Variants in TNS1 observed in about 807,000 individuals in gnomAD.
The protein encoded by TNS1 is tensin-1.
TNS1 carries 62 observed loss-of-function variants against 168.6 expected under a neutral mutation model. The ratio of observed to expected loss-of-function variants is 0.37; its 90% CI spans 0.30 to 0.45. TNS1 has a LOEUF of 0.45. Ranked by LOEUF, TNS1 falls within the 20% of genes least tolerant of loss-of-function variation. The probability of loss-of-function intolerance (pLI) is 1.00; values close to 1 mark genes in which losing one functional copy is unlikely to be tolerated. For missense variants in TNS1, 2,240 were observed against 2,339.4 expected, an observed-to-expected ratio of 0.96 and a Z score of 0.88; for synonymous variants, 934 against 933.2, an observed-to-expected ratio of 1.00 and a Z score of -0.02.
intron 18 of TNS1, among the ~76,000 whole-genome samples, chr2:217,861,839 C>G (rs1259813959): frequency 3.3e-5 from 5 of 152,094 alleles, no homozygotes; most frequent in African/African-American, 1.2e-4. Context: ...TCTCCCTTCC[C>G]TAGCCCTGTG....
upstream of TNS1, among the ~76,000 whole-genome samples, chr2:218,007,569 G>A (rs956975869): frequency 1.6e-5 from 2 of 122,186 alleles, no homozygotes; most frequent in African/African-American, 5.7e-5. Flanking sequence ...CGGGGGGTGG[G>A]GGGGGGGGTT....
At chr2:218,016,226 T>A (rs1574481944) in intron 1 of TNS1, among the ~76,000 whole-genome samples, 1 of 151,354 alleles carries the variant, frequency 6.6e-6, no homozygotes. Context: ...GGTGGTTGGG[T>A]TGAGAGGCAC....
At chr2:217,987,923 G>A (rs1329933604) in intron 2 of TNS1, among the ~76,000 whole-genome samples, 2 of 152,150 alleles carry the variant, frequency 1.3e-5, no homozygotes, top group Non-Finnish European at 2.9e-5. Context: ...GCCATCATGA[G>A]CTCCTGACTC....
At chr2:217,875,921 A>G (rs1456303480) in intron 18 of TNS1, among the ~76,000 whole-genome samples, 1 of 152,172 alleles carries the variant, frequency 6.6e-6, no homozygotes, top group Non-Finnish European at 1.5e-5. Flanking sequence ...ATGGGCGCCA[A>G]CCAGGAGAGA....
intron 22 of TNS1, among the ~76,000 whole-genome samples, chr2:217,822,778 G>T (rs897452474): frequency 4.6e-5 from 7 of 152,182 alleles, no homozygotes; most frequent in African/African-American, 1.7e-4. Flanking sequence ...TCCCCAGATG[G>T]CCCGACTCCC....
rs766115642 is a variant in TNS1 at position 217,848,434 on chromosome 2, C to G, written c.2083G>C (p.Ala695Pro). The change falls in exon 19 of 33, where the codon GCC becomes CCC. Residue 695 changes from alanine to proline, a missense_variant. Transcript: ENST00000682258. ...PYESASRAGP[A>P]HAGHTAPMRP... ...ATGGGGGCCGTGTGGCCAGCATGGGCAGGCCCCGCCCGGCTGGCAGACTCG... is the reference window on the plus strand; with the variant it reads ...ATGGGGGCCGTGTGGCCAGCATGGGGAGGCCCCGCCCGGCTGGCAGACTCG... 3.7e-6 allele frequency: 6 copies of G among 1,609,338 alleles called. No homozygotes were observed. The Admixed American group carries it at 8.4e-5, about 22-fold the overall frequency.
chr2:217,919,815 C>T (rs937739594), intron 4 of TNS1, among the ~76,000 whole-genome samples: 1 of 152,148 alleles, frequency 6.6e-6, no homozygotes, highest in Non-Finnish European at 1.5e-5. Context: ...CTCTGAGGGT[C>T]ATCCCCCGCC....
intron 18 of TNS1, among the ~76,000 whole-genome samples, chr2:217,851,380 AG>A (rs1947463050): frequency 6.6e-6 from 1 of 151,264 alleles, no homozygotes; most frequent in Non-Finnish European, 1.5e-5. Flanking sequence ...ACCACAGGCC[AG>A]CCATGTTACA....
chr2:217,954,428 T>C (rs1488243484), intron 3 of TNS1, among the ~76,000 whole-genome samples: 1 of 152,186 alleles, frequency 6.6e-6, no homozygotes, highest in Non-Finnish European at 1.5e-5. Context: ...GATGATAAGC[T>C]ATCATCTATG....
chr2:217,905,212 A>G, intron 6 of TNS1: 1 of 269,220 alleles, frequency 3.7e-6, no homozygotes, highest in South Asian at 3.3e-5. Flanking sequence ...TTCCCCCTGC[A>G]CCCCAGTCCC....
Position 217,969,183 on chromosome 2 carries a change from T to C in TNS1, c.186+9582A>G, listed in dbSNP as rs142452322. 2.0e-3 allele frequency among the ~76,000 whole-genome samples: 299 copies of C among 152,290 alleles called. 2 individuals are homozygous for C. Among genetic ancestry groups the C allele is most frequent in the African/African-American group, 6.7e-3 (279 of 41,564 alleles). ...GTCAGAGAATTCACACTTCCCAATT[T>C]TGAAACTTAATACTAATGATGCCAA... On this transcript the variant is annotated intron_variant, in intron 3 of 32. Coordinates refer to ENST00000682258, the MANE Select transcript of TNS1 (RefSeq NM_001387777.1).
chr2:217,867,649 T>C (rs1949394587), intron 18 of TNS1, among the ~76,000 whole-genome samples: 1 of 152,244 alleles, frequency 6.6e-6, no homozygotes, highest in Non-Finnish European at 1.5e-5. Context: ...CCTGTTACCT[T>C]ATCTCCCAAC....
chr2:217,825,441 C>A lies in TNS1; in HGVS notation c.3374-3503G>T, dbSNP rs531328693. Among the ~76,000 whole-genome samples, 109 of 152,314 alleles carry A rather than the reference C, an allele frequency of 7.2e-4. 2 individuals carry two copies. In the South Asian group the frequency reaches 0.017, roughly 23 times the overall value. On this transcript the variant is annotated intron_variant, in intron 22 of 32. Transcript: ENST00000682258. Reference sequence around the variant, plus strand: ...ACTCGGGGTGCTTTACCATCCCTCACTGCTCTGCCCAGACCTTTTAAGAGT... The same window carrying A: ...ACTCGGGGTGCTTTACCATCCCTCAATGCTCTGCCCAGACCTTTTAAGAGT...
intron 3 of TNS1, among the ~76,000 whole-genome samples, chr2:217,942,334 T>C (rs1312247211): frequency 6.6e-6 from 1 of 152,094 alleles, no homozygotes; most frequent in Non-Finnish European, 1.5e-5. Flanking sequence ...TCCAAATCCC[T>C]GCCCTCCATG....
intron 19 of TNS1, among the ~76,000 whole-genome samples, chr2:217,842,722 C>T (rs920416255): frequency 1.3e-5 from 2 of 152,188 alleles, no homozygotes; most frequent in African/African-American, 2.4e-5. Flanking sequence ...ACCTCAAAGA[C>T]CCTCTGTAAG....
Position 217,900,508 on chromosome 2 carries a change from G to A in TNS1, c.326C>T (p.Ser109Phe), listed in dbSNP as rs372657600. 2.6e-6 allele frequency: 4 copies of A among 1,535,736 alleles called. No homozygotes were observed. Among genetic ancestry groups the A allele is most frequent in the South Asian group, 1.2e-5 (1 of 84,026 alleles). The change falls in exon 7 of 33, where the codon TCC becomes TTC. Residue 109 changes from serine (S) to phenylalanine (F), a missense_variant. Ser to Phe is a radical substitution (Grantham distance 155). This residue lies in a region of TNS1 where 2,131 missense variants were observed against 2,171.2 expected (regional missense o/e 0.98). Coordinates refer to ENST00000682258, the MANE Select transcript of TNS1 (RefSeq NM_001387777.1). The stretch of plus-strand genomic sequence containing the variant: ...CTGGACACTCGGGGTGACCCTGGTG[G>A]AGCCCTGGGAAGGAGAGAAGAGAAG... ...NTRKSLEDNG[S>F]TRVTPSVQPH... is the part of the protein sequence containing the mutation.
chr2:217,977,192 A>G (rs527477908), intron 3 of TNS1, among the ~76,000 whole-genome samples: 9 of 152,330 alleles, frequency 5.9e-5, no homozygotes, highest in Non-Finnish European at 8.8e-5. Flanking sequence ...AGAAAACTGG[A>G]AAGTTCTGGA....
intron 3 of TNS1, among the ~76,000 whole-genome samples, chr2:217,952,468 C>CCA (rs3055028): frequency 0.013 from 1,980 of 149,894 alleles, 30 homozygotes; most frequent in Admixed American, 0.034. Flanking sequence ...CTCTCCCGCG[C>CCA]CACACACACA....
chr2:217,808,060 A>G lies in TNS1; in HGVS notation c.5375+15T>C. ...AAGGCCAGCCTGCTGGGCAGGGGTA[A>G]GAAGTCACACTTACTTAGCAGGGGC... On this transcript the variant is annotated intron_variant, in intron 32 of 32. Transcript: ENST00000682258. 6.2e-7 allele frequency: 1 copy of G among 1,613,236 alleles called. No homozygotes were observed. Among genetic ancestry groups the G allele is most frequent in the Non-Finnish European group, 8.5e-7 (1 of 1,179,948 alleles).
Sources: allele counts gnomAD v4.1 joint callset (sites outside exome capture counted in the v4.1 genomes callset), GRCh38; gene constraint gnomAD v4.1.1; regional missense constraint gnomAD v4.1.1; transcripts MANE v1.5; gene names NCBI Gene and HGNC (gene_info 2026-07-23, HGNC 2026-07-21).